COL5A2: variants seen among roughly 807,000 people sequenced by gnomAD.
COL5A2 encodes collagen alpha-2(V) chain.
A neutral mutation model predicts 208.2 loss-of-function variants in COL5A2; 23 were observed. The ratio of observed to expected loss-of-function variants is 0.11; its 90% CI spans 0.08 to 0.16. The LOEUF (loss-of-function observed/expected upper bound fraction) is 0.16, where lower values mean the gene tolerates loss of function less well. COL5A2 is among the 10% of genes least tolerant of loss of function. The pLI is 1.00. For missense variants in COL5A2, 1,590 were observed against 1,956.4 expected (o/e 0.81, Z 3.53); for synonymous variants, 625 against 628.5 (o/e 0.99, Z 0.08).
chr2:189,254,615 C>T, the COL5A2 span, among the ~76,000 whole-genome samples: 1 of 152,204 alleles, frequency 6.6e-6, no homozygotes, highest in African/African-American at 2.4e-5. Context: ...TGTGCCCCTG[C>T]CTGGGCCCCT....
the COL5A2 span, among the ~76,000 whole-genome samples, chr2:189,286,013 T>C: frequency 6.6e-6 from 1 of 152,034 alleles, no homozygotes; most frequent in African/African-American, 2.4e-5. Flanking sequence ...CAAGCAGCTA[T>C]TATCTAATTA....
At chr2:189,381,383 T>C in the COL5A2 span, among the ~76,000 whole-genome samples, 1 of 152,100 alleles carries the variant, frequency 6.6e-6, no homozygotes, top group Admixed American at 6.5e-5. Flanking sequence ...TATATTTAGA[T>C]TGCAATTTTT....
chr2:189,355,721 ACT>A, the COL5A2 span, among the ~76,000 whole-genome samples: 29 of 151,978 alleles, frequency 1.9e-4, no homozygotes, highest in African/African-American at 6.3e-4. Flanking sequence ...ATGGGTCTTG[ACT>A]CTATCCAATT....
At chr2:189,371,838 C>G in the COL5A2 span, among the ~76,000 whole-genome samples, 1 of 152,116 alleles carries the variant, frequency 6.6e-6, no homozygotes, top group Non-Finnish European at 1.5e-5. Context: ...AAATAAAAAC[C>G]ATTTTCAGGA....
intron 2 of COL5A2, among the ~76,000 whole-genome samples, chr2:189,109,212 C>T (rs1266162876): frequency 3.9e-5 from 6 of 151,932 alleles, no homozygotes; most frequent in Non-Finnish European, 5.9e-5. Context: ...CTTATCCCCA[C>T]GGATTTAATT....
intron 1 of COL5A2, among the ~76,000 whole-genome samples, chr2:189,115,068 C>T (rs1055336103): frequency 6.6e-6 from 1 of 152,084 alleles, no homozygotes; most frequent in Non-Finnish European, 1.5e-5. Context: ...TTCTTTTACC[C>T]TCACCAAATG....
At chr2:189,402,419 T>C in the COL5A2 span, among the ~76,000 whole-genome samples, 1 of 152,086 alleles carries the variant, frequency 6.6e-6, no homozygotes, top group Non-Finnish European at 1.5e-5. Flanking sequence ...TGGGGTTTCA[T>C]CATGTTGGCC....
At chr2:189,362,097 G>A in the COL5A2 span, among the ~76,000 whole-genome samples, 1 of 151,938 alleles carries the variant, frequency 6.6e-6, no homozygotes, top group East Asian at 1.9e-4. Flanking sequence ...TCTTTCTTTT[G>A]TAAGGTAATT....
the COL5A2 span, among the ~76,000 whole-genome samples, chr2:189,302,770 A>G: frequency 6.6e-6 from 1 of 151,978 alleles, no homozygotes. Flanking sequence ...ACATACCTAC[A>G]CTGTCTACAC....
chr2:189,152,130 T>C (rs1688154836), intron 1 of COL5A2, among the ~76,000 whole-genome samples: 1 of 152,208 alleles, frequency 6.6e-6, no homozygotes, highest in Non-Finnish European at 1.5e-5. Context: ...CATGATTTCA[T>C]TCAATCCTTA....
intron 1 of COL5A2, among the ~76,000 whole-genome samples, chr2:189,154,901 C>CGAAT (rs1463442839): frequency 6.6e-6 from 1 of 152,084 alleles, no homozygotes; most frequent in South Asian, 2.1e-4. Flanking sequence ...AAATGCTTGA[C>CGAAT]GAATGAATGA....
In COL5A2 at chr2:189,098,145, A is replaced by G. The variant is rs1468496079; in HGVS notation, c.402+582T>C. Among the ~76,000 whole-genome samples, 3 of 152,332 alleles carry G rather than the reference A, an allele frequency of 2.0e-5. No individual in the cohort carries two copies. In the East Asian group the frequency reaches 5.8e-4, roughly 29 times the overall value. ...GTATTTACTCAACCCAACATATAGC[A>G]TCGTTTAAAAGTGAGGGCTTCAGAA... On this transcript the variant is annotated intron_variant, in intron 5 of 53. Transcript: ENST00000374866.
chr2:189,262,112 T>G, the COL5A2 span, among the ~76,000 whole-genome samples: 1 of 152,146 alleles, frequency 6.6e-6, no homozygotes, highest in Admixed American at 6.6e-5. Flanking sequence ...TAATAACGCT[T>G]GTCCAGTTTC....
intron 8 of COL5A2, among the ~76,000 whole-genome samples, chr2:189,087,556 C>T (rs1255609847): frequency 2.6e-5 from 4 of 151,830 alleles, no homozygotes; most frequent in South Asian, 2.1e-4. Flanking sequence ...CTCCACCTCC[C>T]GGGTTCACGC....
At chr2:189,167,974 G>T (rs1576569843) in intron 1 of COL5A2, among the ~76,000 whole-genome samples, 1 of 140,768 alleles carries the variant, frequency 7.1e-6, no homozygotes, top group Non-Finnish European at 1.5e-5. Flanking sequence ...GACTCTCGCT[G>T]TCACCCAGGC....
chr2:189,337,562 C>T, the COL5A2 span, among the ~76,000 whole-genome samples: 2 of 152,104 alleles, frequency 1.3e-5, no homozygotes, highest in African/African-American at 4.8e-5. Context: ...TTAATCCAAA[C>T]CACTTCCTTC....
chr2:189,156,242 G>A (rs140110361), intron 1 of COL5A2, among the ~76,000 whole-genome samples: 1 of 152,234 alleles, frequency 6.6e-6, no homozygotes, highest in South Asian at 2.1e-4. Context: ...ACACCCTGCA[G>A]TAGAATTCAA....
the COL5A2 span, among the ~76,000 whole-genome samples, chr2:189,375,778 G>A: frequency 6.6e-6 from 1 of 152,152 alleles, no homozygotes; most frequent in Non-Finnish European, 1.5e-5. Flanking sequence ...GAATTCAGAA[G>A]AAAGTGAGTA....
chr2:189,360,015 G>A, the COL5A2 span, among the ~76,000 whole-genome samples: 1 of 151,738 alleles, frequency 6.6e-6, no homozygotes, highest in South Asian at 2.1e-4. Context: ...ACCAACTTTT[G>A]TTTCATTGAT....
Sources: gnomAD v4.1 joint callset for allele counts (sites outside exome capture counted in the v4.1 genomes callset) on GRCh38, gnomAD v4.1.1 for gene constraint, MANE v1.5 for transcripts, NCBI Gene and HGNC (gene_info 2026-07-23, HGNC 2026-07-21) for gene names.